The following DRICH1 variants were observed in gnomAD, a reference collection of about 807,000 sequenced individuals.
The protein encoded by DRICH1 is aspartate-rich protein 1.
DRICH1 carries 38 observed loss-of-function variants against 39.5 expected under a neutral mutation model. That is an observed-to-expected ratio of 0.96 (90% confidence interval 0.74 to 1.26). The LOEUF (loss-of-function observed/expected upper bound fraction) is 1.26. Among genes scored for constraint, DRICH1 ranks in the 50% most tolerant of loss-of-function variants. The pLI is 0.00. For synonymous variants in DRICH1, 84 were observed against 99.5 expected (o/e 0.84, Z 0.93); for missense variants, 279 against 270.4 (o/e 1.03, Z -0.22).
At chr22:23,620,088 G>A (rs555876068) in intron 5 of DRICH1, among the ~76,000 whole-genome samples, 1 of 152,202 alleles carries the variant, frequency 6.6e-6, no homozygotes, top group Non-Finnish European at 1.5e-5. Context: ...CAAAAACATA[G>A]GATACTCAAA....
chr22:23,631,936 T>C lies in DRICH1; in HGVS notation c.88A>G (p.Ile30Val). 1 of 1,613,778 alleles carries C rather than the reference T, an allele frequency of 6.2e-7. No homozygotes were observed. The highest frequency in any genetic ancestry group is 8.5e-7 in the Non-Finnish European group (1 of 1,180,030). ...GTTGCAGCAGCCACAGTCTCATAAA[T>C]ATCAGTATCAGATTCATAACAGGGT... Reference protein sequence around the residue: ...DAPCYESDTDIYETVAAATSE... With the variant: ...DAPCYESDTDVYETVAAATSE... Residue 30 changes from isoleucine (I) to valine (V), a missense_variant, in exon 1 of 12, where the codon ATT becomes GTT. Ile to Val is a conservative substitution (Grantham distance 29). Coordinates refer to ENST00000317749, the MANE Select transcript of DRICH1 (RefSeq NM_016449.4).
chr22:23,585,241 G>GATC, the DRICH1 span, among the ~76,000 whole-genome samples: 1 of 152,052 alleles, frequency 6.6e-6, no homozygotes, highest in Non-Finnish European at 1.5e-5. Flanking sequence ...AGGCTCAAGC[G>GATC]ATCTTCCCAC....
chr22:23,605,881 G>C (rs573711625), downstream of DRICH1, among the ~76,000 whole-genome samples: 1 of 152,214 alleles, frequency 6.6e-6, no homozygotes, highest in African/African-American at 2.4e-5. Context: ...AGGAGTTCGA[G>C]ATCAGCCTGG....
At chr22:23,601,140 A>ATG in the DRICH1 span, among the ~76,000 whole-genome samples, 378 of 142,684 alleles carry the variant, frequency 2.6e-3, 1 homozygote, top group African/African-American at 9.5e-3. Flanking sequence ...GACCTAACGC[A>ATG]CGCGCGCACA....
chr22:23,595,433 C>T, the DRICH1 span, among the ~76,000 whole-genome samples: 13 of 149,718 alleles, frequency 8.7e-5, no homozygotes, highest in African/African-American at 2.2e-4. Context: ...AGAACAGAAA[C>T]GTCAGCTCTA....
chr22:23,584,521 ACT>A, the DRICH1 span, among the ~76,000 whole-genome samples: 1 of 151,854 alleles, frequency 6.6e-6, no homozygotes, highest in Non-Finnish European at 1.5e-5. Flanking sequence ...GGTTCTAGAA[ACT>A]CTCAAGTTTT....
At chr22:23,599,978 A>C in the DRICH1 span, among the ~76,000 whole-genome samples, 14 of 152,234 alleles carry the variant, frequency 9.2e-5, no homozygotes, top group African/African-American at 3.4e-4. Context: ...TCAGGAGCTG[A>C]GGGTCTATAT....
At chr22:23,621,472 C>G (rs1220326668) in intron 4 of DRICH1, among the ~76,000 whole-genome samples, 1 of 151,792 alleles carries the variant, frequency 6.6e-6, no homozygotes, top group Non-Finnish European at 1.5e-5. Flanking sequence ...GTGACACCCA[C>G]GAAGATTGTG....
At chr22:23,626,978 A>C (rs1006226127) in intron 1 of DRICH1, among the ~76,000 whole-genome samples, 1 of 152,168 alleles carries the variant, frequency 6.6e-6, no homozygotes, top group African/African-American at 2.4e-5. Context: ...AGCAGATGTG[A>C]AAGAGCATTC....
downstream of DRICH1, among the ~76,000 whole-genome samples, chr22:23,605,929 T>G (rs1926701855): frequency 6.6e-6 from 1 of 151,802 alleles, no homozygotes; most frequent in African/African-American, 2.4e-5. Flanking sequence ...ATAAAAAAAT[T>G]AGCCAGCCAT....
intron 1 of DRICH1, 32 bp from the exon 2 acceptor site, chr22:23,626,080 T>C (rs1338945896): frequency 1.3e-6 from 2 of 1,541,490 alleles, no homozygotes; most frequent in South Asian, 2.3e-5. Flanking sequence ...GTCAGTGCCC[T>C]GGTGGTTGGA....
At chr22:23,587,048 A>G in the DRICH1 span, among the ~76,000 whole-genome samples, 3 of 152,146 alleles carry the variant, frequency 2.0e-5, no homozygotes, top group East Asian at 5.8e-4. Flanking sequence ...CTCTTCTCTA[A>G]AAGACTTACC....
intron 1 of DRICH1, among the ~76,000 whole-genome samples, chr22:23,627,068 ATTTTTT>A (rs141545226): frequency 7.9e-6 from 1 of 127,350 alleles, no homozygotes; most frequent in Non-Finnish European, 1.6e-5. Flanking sequence ...TGAGGTTCTG[ATTTTTT>A]TTTTTTTTTT....
At chr22:23,603,245 A>G in the DRICH1 span, among the ~76,000 whole-genome samples, 1 of 151,694 alleles carries the variant, frequency 6.6e-6, no homozygotes, top group Non-Finnish European at 1.5e-5. Context: ...TGTTTCTGAA[A>G]TCCAGTCTCC....
At chr22:23,608,018 C>T (rs1243946839), downstream of DRICH1, 1 of 152,304 alleles carries the variant, frequency 6.6e-6, no homozygotes, top group Non-Finnish European at 1.5e-5. Flanking sequence ...TCAGGGAATC[C>T]CTGCAGCAGT....
In DRICH1 at chr22:23,622,088, T is replaced by TA. The variant is rs780432698; in HGVS notation, c.384+2dup. On this transcript the variant is annotated splice_region_variant and intron_variant, in intron 4 of 11. Transcript: ENST00000317749. ...CTTAGAAGACAAAGAAAGATTGTCT[T>TA]ACCTGGGCATCATCATCATCATCAT... 6.2e-7 allele frequency: 1 copy of TA among 1,608,600 alleles called. No homozygotes were observed. The highest frequency in any genetic ancestry group is 1.1e-5 in the South Asian group (1 of 90,898).
intron 3 of DRICH1, chr22:23,623,816 T>C (rs1311574775): frequency 4.7e-5 from 20 of 425,960 alleles, no homozygotes; most frequent in Non-Finnish European, 6.3e-5. Context: ...AGATGTAGAA[T>C]AGAGAGCCCA....
At chr22:23,595,702 A>G in the DRICH1 span, among the ~76,000 whole-genome samples, 1 of 152,162 alleles carries the variant, frequency 6.6e-6, no homozygotes, top group African/African-American at 2.4e-5. Flanking sequence ...CCCTGAGGAG[A>G]TAGGAAAGGT....
chr22:23,593,048 A>C, the DRICH1 span, among the ~76,000 whole-genome samples: 1 of 152,026 alleles, frequency 6.6e-6, no homozygotes, highest in Non-Finnish European at 1.5e-5. Flanking sequence ...AGAAAAAAAA[A>C]ACGAAATTAT....
Sources: allele counts gnomAD v4.1 joint callset (sites outside exome capture counted in the v4.1 genomes callset), GRCh38; gene constraint gnomAD v4.1.1; transcripts MANE v1.5; gene names NCBI Gene and HGNC (gene_info 2026-07-23, HGNC 2026-07-21).